The following ADARB1 variants were observed in gnomAD, a reference collection of about 807,000 sequenced individuals.
ADARB1 encodes adenosine deaminase RNA specific B1.
A neutral mutation model predicts 52.4 loss-of-function variants in ADARB1; 10 were observed. The ratio of observed to expected loss-of-function variants is 0.19; its 90% CI spans 0.12 to 0.32. ADARB1 has a LOEUF of 0.32. Among genes scored for constraint, ADARB1 ranks in the 10% least tolerant of loss-of-function variants. The probability of loss-of-function intolerance (pLI) is 1.00; values close to 1 mark genes in which losing one functional copy is unlikely to be tolerated. For missense variants in ADARB1, 643 were observed against 922.3 expected (o/e 0.70, Z 3.92); for synonymous variants, 349 against 371.1 (o/e 0.94, Z 0.68).
rs2093000801 is a variant in ADARB1, at chr21:45,223,477, C to T, written c.*1280C>T. 3.0e-6 allele frequency: 3 copies of T among 985,542 alleles called. No homozygotes were observed. The South Asian group carries it at 1.4e-4, about 46-fold the overall frequency. 61.0% of individuals were successfully genotyped at this position (985,542 alleles called of 1,614,324 possible). A position where few individuals can be genotyped will look rare whatever the true frequency, so the allele number is the denominator to read the frequency against. On this transcript the variant is annotated 3_prime_UTR_variant, in exon 11 of 11. Transcript: ENST00000348831. ...CCTCCACCAAGCTCAGAGATTTGCA[C>T]CAGGTGCCTTGTTGCCTCCGCTCAG...
rs529354117 is a variant in ADARB1, at chr21:45,157,334, A to G, written c.-47-14276A>G. On this transcript the variant is annotated intron_variant, in intron 2 of 10. Coordinates refer to ENST00000348831, the MANE Select transcript of ADARB1 (RefSeq NM_001112.4). The surrounding 1 kb of genome is among the most constrained non-coding windows in gnomAD (Gnocchi z 4.1). ...GCAGTTATAAGTGTTAATATTGAAA[A>G]TAAAGTTTACATCGTTGTCTTTTTT... Among the ~76,000 whole-genome samples, 2 of 152,334 alleles carry G rather than the reference A, an allele frequency of 1.3e-5. No individual in the cohort carries two copies. The highest frequency in any genetic ancestry group is 4.1e-4 in the South Asian group (2 of 4,834).
At position 45,221,903 on chromosome 21, in the gene ADARB1, G is replaced by T; in HGVS notation, c.1927-115G>T. 7 of 1,167,286 alleles carry T rather than the reference G, an allele frequency of 6.0e-6. No homozygotes were observed. The highest frequency in any genetic ancestry group is 8.5e-6 in the Non-Finnish European group (7 of 826,656). The allele number at this position is 1,167,286 out of a possible 1,614,324, so 72.3% of individuals were successfully genotyped here. A position where few individuals can be genotyped will look rare whatever the true frequency, so the allele number is the denominator to read the frequency against. On this transcript the variant is annotated intron_variant, in intron 10 of 10. Coordinates refer to ENST00000348831, the MANE Select transcript of ADARB1 (RefSeq NM_001112.4). This position sits in a 1 kb window ranked among gnomAD's most constrained non-coding sequence, Gnocchi z 4.9. ...GGCAGAAGGCGCCTTCCTCTGGGTT[G>T]CTTTCCCCCCAGAAGCCAATGCAGT...
chr21:45,146,558 T>C (rs1351587655), intron 2 of ADARB1, among the ~76,000 whole-genome samples: 2 of 152,078 alleles, frequency 1.3e-5, no homozygotes, highest in African/African-American at 2.4e-5. Flanking sequence ...TTTCCACGGA[T>C]GTGGTGGATG....
intron 1 of ADARB1, among the ~76,000 whole-genome samples, chr21:45,083,282 A>T (rs1244725846): frequency 6.6e-6 from 1 of 152,166 alleles, no homozygotes; most frequent in East Asian, 1.9e-4. Flanking sequence ...CTGAAAACGT[A>T]TGCTTTTGCT....
intron 3 of ADARB1, among the ~76,000 whole-genome samples, chr21:45,173,260 G>A (rs1207874216): frequency 6.6e-6 from 1 of 152,182 alleles, no homozygotes; most frequent in Non-Finnish European, 1.5e-5. Flanking sequence ...CATTTTGAAA[G>A]CAATGCAAAG....
At chr21:45,170,451 A>G (rs1451044270) in intron 2 of ADARB1, among the ~76,000 whole-genome samples, 2 of 152,200 alleles carry the variant, frequency 1.3e-5, no homozygotes, top group Admixed American at 6.5e-5. Flanking sequence ...TGCTTTTAAA[A>G]CTATCTGGAA....
intron 2 of ADARB1, chr21:45,144,772 C>G: frequency 2.7e-6 from 1 of 364,950 alleles, no homozygotes; most frequent in South Asian, 2.2e-5. Flanking sequence ...ACCAGGGCAC[C>G]TTTCCACTTG....
chr21:45,208,082 T>C lies in ADARB1; in HGVS notation c.1747+3346T>C, dbSNP rs2092699018. Among the ~76,000 whole-genome samples the C allele has an allele frequency of 2.0e-5, 3 of 152,338 alleles. No individual in the cohort carries two copies. The South Asian group carries it at 6.2e-4, about 32-fold the overall frequency. ...AAGTCTCTCGAGCTTTCTCAGACTT[T>C]CTCTCAAATGAGTTTCACATCCAGC... On this transcript the variant is annotated intron_variant, in intron 9 of 10. Transcript: ENST00000348831. The surrounding 1 kb of genome is among the most constrained non-coding windows in gnomAD (Gnocchi z 5.6).
intron 1 of ADARB1, among the ~76,000 whole-genome samples, chr21:45,076,701 C>G (rs1035472466): frequency 6.6e-6 from 1 of 152,098 alleles, no homozygotes; most frequent in African/African-American, 2.4e-5. Flanking sequence ...TTCACTTCCT[C>G]GTGAATTTAT....
intron 9 of ADARB1, among the ~76,000 whole-genome samples, chr21:45,210,069 A>G (rs906385141): frequency 6.6e-6 from 1 of 152,144 alleles, no homozygotes; most frequent in African/African-American, 2.4e-5. Flanking sequence ...CGGCCGCCAC[A>G]CGGCTCCGTC....
In ADARB1 at chr21:45,122,718, G is replaced by A. The variant is rs116581828; in HGVS notation, c.-219-5684G>A. Among the ~76,000 whole-genome samples the A allele has an allele frequency of 2.1e-3, 317 of 152,206 alleles. 3 individuals are homozygous for A. The highest frequency in any genetic ancestry group is 7.1e-3 in the African/African-American group (293 of 41,524). On this transcript the variant is annotated intron_variant, in intron 1 of 10. Coordinates refer to ENST00000348831, the MANE Select transcript of ADARB1 (RefSeq NM_001112.4). Reference sequence around the variant, plus strand: ...AGGTGGCTCACTCCCCACCAGTTTCGCAGGATGGCTCAAGGCAAATGGAGA... The same window carrying A: ...AGGTGGCTCACTCCCCACCAGTTTCACAGGATGGCTCAAGGCAAATGGAGA...
intron 2 of ADARB1, among the ~76,000 whole-genome samples, chr21:45,167,406 T>C (rs1016616698): frequency 1.3e-5 from 2 of 152,212 alleles, no homozygotes; most frequent in Admixed American, 6.5e-5. Flanking sequence ...ATTAATTATG[T>C]ATAAGAATTA....
intron 1 of ADARB1, among the ~76,000 whole-genome samples, chr21:45,082,807 A>G (rs1020111806): frequency 4.0e-4 from 61 of 152,294 alleles, no homozygotes; most frequent in African/African-American, 1.4e-3. Flanking sequence ...TAGCCTCCTA[A>G]CAGATCTCTT....
At chr21:45,151,946 C>T (rs1457947655) in intron 2 of ADARB1, among the ~76,000 whole-genome samples, 1 of 152,188 alleles carries the variant, frequency 6.6e-6, no homozygotes, top group Non-Finnish European at 1.5e-5. Context: ...TGAGCTGTGC[C>T]CCTGCTCTGC....
chr21:45,187,109 G>T (rs1601844100), intron 8 of ADARB1, among the ~76,000 whole-genome samples: 3 of 152,228 alleles, frequency 2.0e-5, no homozygotes, highest in Admixed American at 2.0e-4. Context: ...GATTGCTTTG[G>T]TTAATATGGA....
chr21:45,178,926 C>A (rs893403709), intron 4 of ADARB1, among the ~76,000 whole-genome samples: 3 of 152,144 alleles, frequency 2.0e-5, no homozygotes, highest in African/African-American at 7.2e-5. Context: ...GTGAGGCTCT[C>A]GGAACTCACT....
intron 2 of ADARB1, among the ~76,000 whole-genome samples, chr21:45,167,071 G>A (rs12627065): frequency 0.05 from 7,658 of 152,282 alleles, 291 homozygotes; most frequent in East Asian, 0.15. Context: ...TGGTACAAGA[G>A]TTGGCATTCG....
chr21:45,155,597 C>T (rs78002406), intron 2 of ADARB1, among the ~76,000 whole-genome samples: 9,856 of 151,344 alleles, frequency 0.065, 393 homozygotes, highest in East Asian at 0.15. Context: ...CATCCATCCA[C>T]TCACCCATCC....
At position 45,204,612 on chromosome 21, in the gene ADARB1, C is replaced by T. The variant is rs1241405577; in HGVS notation, c.1623C>T (p.Tyr541=). 1 of 1,614,198 alleles carries T rather than the reference C, an allele frequency of 6.2e-7. No homozygotes were observed. The highest frequency in any genetic ancestry group is 1.1e-5 in the South Asian group (1 of 91,084). Residue 541 remains tyrosine, a synonymous_variant, in exon 9 of 11, where the codon TAC becomes TAT. Transcript: ENST00000348831. This position sits in a 1 kb window ranked among gnomAD's most constrained non-coding sequence, Gnocchi z 4.4. Reference sequence around the variant, plus strand: ...TCAGCATTTTCGTGGAGCCCATTTACTTCTCGAGCATCATCCTGGGCAGCC... The same window carrying T: ...TCAGCATTTTCGTGGAGCCCATTTATTTCTCGAGCATCATCCTGGGCAGCC... ...SLLSIFVEPI[Y]FSSIILGSLY...
Sources: allele counts gnomAD v4.1 joint callset (sites outside exome capture counted in the v4.1 genomes callset), GRCh38; gene constraint gnomAD v4.1.1; non-coding constraint Gnocchi (gnomAD v3.1); transcripts MANE v1.5; gene names NCBI Gene and HGNC (gene_info 2026-07-23, HGNC 2026-07-21).